Variants in DCLK1 observed in about 807,000 individuals in gnomAD.
DCLK1 encodes the protein doublecortin like kinase 1.
A neutral mutation model predicts 86.2 loss-of-function variants in DCLK1; 16 were observed. The ratio of observed to expected loss-of-function variants is 0.19; its 90% CI spans 0.13 to 0.28. DCLK1 has a LOEUF of 0.28. Among genes scored for constraint, DCLK1 ranks in the 10% least tolerant of loss-of-function variants. DCLK1 has a pLI of 1.00. For synonymous variants in DCLK1, 369 were observed against 370.5 expected (o/e 1.00, Z 0.05); for missense variants, 590 against 940.2 (o/e 0.63, Z 4.87).
intron 4 of DCLK1, among the ~76,000 whole-genome samples, chr13:35,907,599 T>C (rs1383446791): frequency 6.6e-6 from 1 of 152,208 alleles, no homozygotes; most frequent in African/African-American, 2.4e-5. Flanking sequence ...TTTGTTTCTA[T>C]GTTTTCTTTT....
At chr13:35,998,058 T>A (rs1880549265) in intron 3 of DCLK1, among the ~76,000 whole-genome samples, 1 of 152,180 alleles carries the variant, frequency 6.6e-6, no homozygotes, top group Non-Finnish European at 1.5e-5. Flanking sequence ...CCCACCTTCC[T>A]CAGTGGCTTT....
chr13:35,936,962 C>CTTTTTTTTTTTTT lies in DCLK1; in HGVS notation c.823+10383_823+10395dup, dbSNP rs140269668. ...TTAAAACATCCAAAAGAAAAGTTAG[C>CTTTTTTTTTTTTT]TTTTTTTTTTTTTTTTTTTTTTTTT... is the stretch of plus-strand genomic sequence containing the variant. On this transcript the variant is annotated intron_variant, in intron 4 of 16. Coordinates refer to ENST00000360631, the MANE Select transcript of DCLK1 (RefSeq NM_001330071.2). Among the ~76,000 whole-genome samples, 11 of 65,736 alleles carry CTTTTTTTTTTTTT rather than the reference C, an allele frequency of 1.7e-4. 2 individuals are homozygous for CTTTTTTTTTTTTT. The highest frequency in any genetic ancestry group is 3.2e-4 in the African/African-American group (6 of 18,892). The allele number at this position is 65,736 out of a possible 152,430, so 43.1% of individuals were successfully genotyped here.
intron 2 of DCLK1, among the ~76,000 whole-genome samples, chr13:36,123,774 C>G (rs1047120711): frequency 6.6e-6 from 1 of 152,222 alleles, no homozygotes. Flanking sequence ...CTGGCACATG[C>G]TCAATAACTG....
At chr13:35,839,991 A>G (rs946986566) in intron 6 of DCLK1, among the ~76,000 whole-genome samples, 1 of 152,224 alleles carries the variant, frequency 6.6e-6, no homozygotes, top group African/African-American at 2.4e-5. Context: ...CTAAATAGTG[A>G]ACACAGCTTG....
chr13:35,986,699 G>T (rs1879932578), intron 3 of DCLK1, among the ~76,000 whole-genome samples: 1 of 152,136 alleles, frequency 6.6e-6, no homozygotes, highest in African/African-American at 2.4e-5. Flanking sequence ...AATGGCTTTG[G>T]AGGTAGGGCA....
In DCLK1 at chr13:36,056,926, T is replaced by TATATAC. The variant is rs909139119; in HGVS notation, c.723+54942_723+54943insGTATAT. On this transcript the variant is annotated intron_variant, in intron 3 of 16. Transcript: ENST00000360631. ...AAAAAAATATATATATATATATATATACACACACACACATATATATTCTCC... is the reference window on the plus strand; with the variant it reads ...AAAAAAATATATATATATATATATATATATACACACACACACACATATATATTCTCC... Among the ~76,000 whole-genome samples, 21 of 145,490 alleles carry TATATAC rather than the reference T, an allele frequency of 1.4e-4. No homozygotes were observed. In the South Asian group the frequency reaches 2.0e-3, roughly 14 times the overall value.
intron 3 of DCLK1, among the ~76,000 whole-genome samples, chr13:35,966,003 C>T (rs867340011): frequency 2.0e-5 from 3 of 152,042 alleles, no homozygotes; most frequent in Non-Finnish European, 4.4e-5. Flanking sequence ...GGTAAAGAGA[C>T]AAACAAAACA....
intron 1 of DCLK1, among the ~76,000 whole-genome samples, chr13:36,128,217 G>C (rs1458049417): frequency 6.6e-6 from 1 of 152,166 alleles, no homozygotes; most frequent in Non-Finnish European, 1.5e-5. Flanking sequence ...GGAGGTACCT[G>C]ACACTATTAC....
chr13:36,106,214 A>AT (rs2138176602), intron 3 of DCLK1, among the ~76,000 whole-genome samples: 1 of 151,910 alleles, frequency 6.6e-6, no homozygotes, highest in East Asian at 1.9e-4. Flanking sequence ...GAAAAAAAAA[A>AT]GGACTTAAAT....
At position 35,951,983 on chromosome 13, in the gene DCLK1, G is replaced by A. The variant is rs373045780; in HGVS notation, c.724-4526C>T. Among the ~76,000 whole-genome samples the A allele has an allele frequency of 1.3e-4, 20 of 152,236 alleles. No individual in the cohort carries two copies. The East Asian group carries it at 3.3e-3, about 25-fold the overall frequency. ...CTAAGAGCACAGCACTATCAACAGA[G>A]CCCAGCTTCTGAGTTAACCCAGCAC... is the stretch of plus-strand genomic sequence containing the variant. On this transcript the variant is annotated intron_variant, in intron 3 of 16. Transcript: ENST00000360631.
chr13:36,123,005 G>A (rs111231226), intron 2 of DCLK1, among the ~76,000 whole-genome samples: 1,806 of 152,274 alleles, frequency 0.012, 32 homozygotes, highest in African/African-American at 0.041. Context: ...CACAAATATT[G>A]TAATTCAGAA....
Position 35,769,372 on chromosome 13 carries a change from CA to C in DCLK1, c.*5162del, listed in dbSNP as rs2153096108. On this transcript the variant is annotated 3_prime_UTR_variant, in exon 17 of 17. Transcript: ENST00000360631. ...TACGCACCTTTTTAGTATGTATGAG[CA>C]AAATACTGTTGAATTTCACACTCAA... is the stretch of plus-strand genomic sequence containing the variant. 1.3e-5 allele frequency: 2 copies of C among 152,228 alleles called. No individual in the cohort carries two copies. Among genetic ancestry groups the C allele is most frequent in the African/African-American group, 4.8e-5 (2 of 41,542 alleles). The allele number at this position is 152,228 out of a possible 1,614,324, so 9.4% of individuals were successfully genotyped here. A position where few individuals can be genotyped will look rare whatever the true frequency, so the allele number is the denominator to read the frequency against.
chr13:35,837,770 A>G (rs1232168635), intron 7 of DCLK1, among the ~76,000 whole-genome samples: 1 of 152,096 alleles, frequency 6.6e-6, no homozygotes, highest in Non-Finnish European at 1.5e-5. Context: ...CTTTTGGTTA[A>G]GAAGGCTAAG....
At chr13:35,959,935 A>G (rs1363219586) in intron 3 of DCLK1, among the ~76,000 whole-genome samples, 3 of 152,144 alleles carry the variant, frequency 2.0e-5, no homozygotes, top group South Asian at 2.1e-4. Flanking sequence ...ACATGAGTGC[A>G]TCTACATGTG....
chr13:35,960,420 G>C (rs1878390617), intron 3 of DCLK1, among the ~76,000 whole-genome samples: 1 of 152,196 alleles, frequency 6.6e-6, no homozygotes, highest in Admixed American at 6.5e-5. Flanking sequence ...GCAATCTGGG[G>C]AAAAGGGGTT....
chr13:35,820,900 A>G (rs1374681252), intron 11 of DCLK1, among the ~76,000 whole-genome samples: 2 of 152,226 alleles, frequency 1.3e-5, no homozygotes, highest in Non-Finnish European at 2.9e-5. Flanking sequence ...ATTGCAATTA[A>G]CTAATTGTGT....
intron 7 of DCLK1, among the ~76,000 whole-genome samples, chr13:35,838,095 A>T (rs983692424): frequency 1.3e-5 from 2 of 151,858 alleles, no homozygotes; most frequent in Non-Finnish European, 2.9e-5. Flanking sequence ...AAGAAAAGAA[A>T]AAAAAGGCTT....
intron 2 of DCLK1, among the ~76,000 whole-genome samples, chr13:36,121,684 A>T (rs1229272562): frequency 1.3e-5 from 2 of 152,226 alleles, no homozygotes; most frequent in African/African-American, 2.4e-5. Context: ...CACAGTATAC[A>T]CAGGGTTCAG....
chr13:35,929,340 G>A (rs930068267), intron 4 of DCLK1, among the ~76,000 whole-genome samples: 1 of 152,206 alleles, frequency 6.6e-6, no homozygotes, highest in East Asian at 1.9e-4. Context: ...CTTTAAAGTT[G>A]AGGGGCAAAT....
Sources: gnomAD v4.1 joint callset for allele counts (sites outside exome capture counted in the v4.1 genomes callset) on GRCh38, gnomAD v4.1.1 for gene constraint, MANE v1.5 for transcripts, NCBI Gene and HGNC (gene_info 2026-07-23, HGNC 2026-07-21) for gene names.